The following SLC2A8 variants were observed in gnomAD, a reference collection of about 807,000 sequenced individuals.
SLC2A8 encodes the protein solute carrier family 2 member 8, also known as solute carrier family 2, facilitated glucose transporter member 8.
SLC2A8 carries 53 observed loss-of-function variants against 49.2 expected under a neutral mutation model. The ratio of observed to expected loss-of-function variants is 1.08; its 90% CI spans 0.86 to 1.35. The LOEUF is 1.35. SLC2A8 is among the 40% of genes most tolerant of loss of function. The probability of loss-of-function intolerance (pLI) is 0.00; values close to 1 mark genes in which losing one functional copy is unlikely to be tolerated. For synonymous variants in SLC2A8, 299 were observed against 297.0 expected (o/e 1.01, Z -0.07); for missense variants, 688 against 671.7 (o/e 1.02, Z -0.27).
intron 6 of SLC2A8, 59 bp downstream of exon 6, chr9:127,403,862 C>T (rs1390526410): frequency 1.2e-6 from 2 of 1,602,638 alleles, no homozygotes; most frequent in Non-Finnish European, 1.7e-6. Flanking sequence ...AGCTTCCTCC[C>T]CAAGCCCAGG....
Position 127,404,986 on chromosome 9 carries a change from T to A in SLC2A8, c.1145T>A (p.Ile382Asn). The A allele has an allele frequency of 6.3e-7, 1 of 1,598,030 alleles. No homozygotes were observed. Among genetic ancestry groups the A allele is most frequent in the Non-Finnish European group, 8.5e-7 (1 of 1,172,426 alleles). ...GCCGTGGGCAGCATGTGCCTCTTCA[T>A]CGCCGGTAAGGGGGCCTGTGGGAGG... ...WLAVGSMCLF[I>N]AGFAVGWGPI... Residue 382 changes from isoleucine to asparagine, a missense_variant, in exon 8 of 10, where the codon ATC becomes AAC. Ile to Asn is a moderately radical substitution (Grantham distance 149). Coordinates refer to ENST00000373371, the MANE Select transcript of SLC2A8 (RefSeq NM_014580.5).
chr9:127,397,526 C>G lies in SLC2A8; in HGVS notation c.207C>G (p.Ala69=). ...CCCCGCGCCTGGACGACGCCGCCGC[C>G]TCCTGGTTCGGGGTGAGGCCCCGGG... ...PPAPRLDDAA[A]SWFGAVVTLG... is the part of the protein sequence containing the mutation. The change falls in exon 2 of 10, where the codon GCC becomes GCG. Residue 69 remains alanine (A), a synonymous_variant. Transcript: ENST00000373371. 1 of 1,422,506 alleles carries G rather than the reference C, an allele frequency of 7.0e-7. No homozygotes were observed. Among genetic ancestry groups the G allele is most frequent in the South Asian group, 1.5e-5 (1 of 67,636 alleles). The allele number at this position is 1,422,506 out of a possible 1,614,324, so 88.1% of individuals were successfully genotyped here. A position where few individuals can be genotyped will look rare whatever the true frequency, so the allele number is the denominator to read the frequency against.
chr9:127,400,113 G>A lies in SLC2A8; in HGVS notation c.526+107G>A, dbSNP rs891132384. The A allele has an allele frequency of 2.6e-5, 23 of 870,290 alleles. No individual in the cohort carries two copies. The Admixed American group carries it at 2.7e-4, about 10-fold the overall frequency. 53.9% of individuals were successfully genotyped at this position (870,290 alleles called of 1,614,324 possible). A position where few individuals can be genotyped will look rare whatever the true frequency, so the allele number is the denominator to read the frequency against. On this transcript the variant is annotated intron_variant, in intron 4 of 9. Coordinates refer to ENST00000373371, the MANE Select transcript of SLC2A8 (RefSeq NM_014580.5). Reference sequence around the variant, plus strand: ...CAAGGGACTTGTCTGAGGTCACATAGCCAGTGCCCAACATGCCAGGCTCGC... The same window carrying A: ...CAAGGGACTTGTCTGAGGTCACATAACCAGTGCCCAACATGCCAGGCTCGC...
At position 127,404,104 on chromosome 9, in the gene SLC2A8, G is replaced by A. The variant is rs11788710; in HGVS notation, c.976+37G>A. On this transcript the variant is annotated intron_variant, in intron 7 of 9. Transcript: ENST00000373371. ...CCCCTGTGCAGCCTCCCCGCCATGC[G>A]GGGGAGGGCCTTCGCCAAGGCCACC... 73 of 1,449,840 alleles carry A rather than the reference G, an allele frequency of 5.0e-5. No individual in the cohort carries two copies. The Middle Eastern group carries it at 5.2e-4, about 10-fold the overall frequency. The allele number at this position is 1,449,840 out of a possible 1,614,324, so 89.8% of individuals were successfully genotyped here. A position where few individuals can be genotyped will look rare whatever the true frequency, so the allele number is the denominator to read the frequency against.
Position 127,398,060 on chromosome 9 carries a change from G to A in SLC2A8, c.375G>A (p.Gly125=). 3 of 1,589,556 alleles carry A rather than the reference G, an allele frequency of 1.9e-6. No homozygotes were observed. The highest frequency in any genetic ancestry group is 2.3e-5 in the East Asian group (1 of 44,074). The change falls in exon 3 of 10, where the codon GGG becomes GGA. Residue 125 remains glycine, a synonymous_variant. Coordinates refer to ENST00000373371, the MANE Select transcript of SLC2A8 (RefSeq NM_014580.5). Reference sequence around the variant, plus strand: ...CCCAGGACGTGTGGATGCTGCTGGGGGGCCGCCTCCTCACCGGCCTGGCCT... The same window carrying A: ...CCCAGGACGTGTGGATGCTGCTGGGAGGCCGCCTCCTCACCGGCCTGGCCT... ...TAAQDVWMLL[G]GRLLTGLACG...
chr9:127,405,091 C>A, intron 8 of SLC2A8, 100 bp downstream of exon 8: 1 of 1,303,866 alleles, frequency 7.7e-7, no homozygotes, highest in Non-Finnish European at 1.1e-6. Context: ...AGCCTCACCT[C>A]TCCTCTCGTA....
intron 7 of SLC2A8, 103 bp downstream of exon 7, chr9:127,404,170 C>T (rs1833405036): frequency 3.9e-6 from 3 of 769,904 alleles, no homozygotes; most frequent in Non-Finnish European, 6.3e-6. Context: ...TGATGACAAA[C>T]ATCATGGACT....
In SLC2A8 at chr9:127,404,068, G is replaced by T; in HGVS notation, c.976+1G>T. ...CGGAGGCTGCTCCTGGTCTTGTCAG[G>T]TGAGGGTTCACCCCTGTGCAGCCTC... On this transcript the variant is annotated splice_donor_variant, in intron 7 of 9. Coordinates refer to ENST00000373371, the MANE Select transcript of SLC2A8 (RefSeq NM_014580.5). LOFTEE classifies it high-confidence loss of function. 1 of 1,591,448 alleles carries T rather than the reference G, an allele frequency of 6.3e-7. No individual in the cohort carries two copies. Among genetic ancestry groups the T allele is most frequent in the Middle Eastern group, 1.7e-4 (1 of 6,002 alleles).
intron 4 of SLC2A8, 193 bp from the exon 5 acceptor site, chr9:127,402,364 G>A (rs867499027): frequency 1.7e-5 from 14 of 806,706 alleles, no homozygotes; most frequent in Middle Eastern, 3.7e-4. Context: ...TGTCGCTTCC[G>A]CAGCTGGTGT....
In SLC2A8 at chr9:127,397,357, C is replaced by A. The variant is rs1371180360; in HGVS notation, c.57-19C>A. The A allele has an allele frequency of 6.9e-7, 1 of 1,446,250 alleles. No individual in the cohort carries two copies. Among genetic ancestry groups the A allele is most frequent in the South Asian group, 1.4e-5 (1 of 72,356 alleles). 89.6% of individuals were successfully genotyped at this position (1,446,250 alleles called of 1,614,324 possible). On this transcript the variant is annotated intron_variant, in intron 1 of 9. Transcript: ENST00000373371. ...CCCCTCCGCGTCCGCTCCGCTCACC[C>A]TCGGCCCTGTCCCCCCAGCGCGCCC... is the stretch of plus-strand genomic sequence containing the variant.
chr9:127,405,862 A>T (rs553437440), intron 9 of SLC2A8, among the ~76,000 whole-genome samples: 1 of 152,350 alleles, frequency 6.6e-6, no homozygotes, highest in African/African-American at 2.4e-5. Context: ...AAGGTCTTAC[A>T]TGGGAAGAGT....
intron 3 of SLC2A8, among the ~76,000 whole-genome samples, chr9:127,398,608 C>T (rs918848045): frequency 5.3e-5 from 8 of 152,232 alleles, no homozygotes; most frequent in African/African-American, 1.7e-4. Context: ...CTGGCTTCCC[C>T]ATCTTCCCCC....
Position 127,397,287 on chromosome 9 carries a change from G to T in SLC2A8, c.56+1G>T, listed in dbSNP as rs1229429910. On this transcript the variant is annotated splice_donor_variant, in intron 1 of 9. Transcript: ENST00000373371. LOFTEE classifies it high-confidence loss of function. ...CGCTTCTGGGGCCTCCTGGCGGCAG[G>T]TGAGCTCCGGGGAACCCGGGCCCGG... The T allele has an allele frequency of 1.4e-6, 2 of 1,391,450 alleles. No homozygotes were observed. The highest frequency in any genetic ancestry group is 1.8e-6 in the Non-Finnish European group (2 of 1,083,594). The allele number at this position is 1,391,450 out of a possible 1,614,324, so 86.2% of individuals were successfully genotyped here. A position where few individuals can be genotyped will look rare whatever the true frequency, so the allele number is the denominator to read the frequency against.
In SLC2A8 at chr9:127,404,921, T is replaced by C. The variant is rs1321923090; in HGVS notation, c.1080T>C (p.Ser360=). ...ACGTGGCCATCTCGGCGCCTGTCTC[T>C]GCACAGCCTGTTGATGCCAGCGTGG... ...SSHVAISAPV[S]AQPVDASVGL... is the part of the protein sequence containing the mutation. The change falls in exon 8 of 10, where the codon TCT becomes TCC. Residue 360 remains serine (S), a synonymous_variant. Transcript: ENST00000373371. 5.0e-6 allele frequency: 8 copies of C among 1,612,346 alleles called. No homozygotes were observed. The African/African-American group carries it at 1.1e-4, about 22-fold the overall frequency.
At chr9:127,405,936 C>T (rs1185520687) in intron 9 of SLC2A8, 2 of 538,910 alleles carry the variant, frequency 3.7e-6, no homozygotes, top group Non-Finnish European at 7.3e-6. Context: ...GGGTATGATG[C>T]TTACCTTCTC....
At chr9:127,404,743 A>AGG in intron 7 of SLC2A8, 75 bp from the exon 8 acceptor site, 2 of 1,495,862 alleles carry the variant, frequency 1.3e-6, no homozygotes, top group Non-Finnish European at 1.8e-6. Flanking sequence ...CCCCTCTCAG[A>AGG]GGCATCCAGG....
At chr9:127,406,007 T>C (rs1833478842) in intron 9 of SLC2A8, 1 of 521,440 alleles carries the variant, frequency 1.9e-6, no homozygotes, top group Non-Finnish European at 3.8e-6. Context: ...TTAAGACGGA[T>C]GGGAGCATTA....
intron 9 of SLC2A8, 31 bp from the exon 10 acceptor site, chr9:127,407,081 C>A (rs373073008): frequency 6.2e-7 from 1 of 1,610,676 alleles, no homozygotes; most frequent in Non-Finnish European, 8.5e-7. Flanking sequence ...TCTCTCCCCG[C>A]GTCCACCCAT....
chr9:127,400,799 G>A (rs571927498), intron 4 of SLC2A8, among the ~76,000 whole-genome samples: 1 of 152,126 alleles, frequency 6.6e-6, no homozygotes, highest in Non-Finnish European at 1.5e-5. Context: ...ATTAGAAAGA[G>A]GCCAGGCTTT....
Sources: gnomAD v4.1 joint callset for allele counts (sites outside exome capture counted in the v4.1 genomes callset) on GRCh38, gnomAD v4.1.1 for gene constraint, MANE v1.5 for transcripts, NCBI Gene and HGNC (gene_info 2026-07-23, HGNC 2026-07-21) for gene names.